PPARGC1B: variants seen among roughly 807,000 people sequenced by gnomAD.
PPARGC1B encodes the protein peroxisome proliferator-activated receptor gamma coactivator 1-beta.
A neutral mutation model predicts 101.6 loss-of-function variants in PPARGC1B; 34 were observed. The observed-to-expected ratio is 0.33, with a 90% CI of 0.25 to 0.45. The LOEUF is 0.45. Among genes scored for constraint, PPARGC1B ranks in the 20% least tolerant of loss-of-function variants. The probability of loss-of-function intolerance (pLI) is 1.00; values close to 1 mark genes in which losing one functional copy is unlikely to be tolerated. For missense variants in PPARGC1B, 1,234 were observed against 1,317.6 expected (o/e 0.94, Z 0.98); for synonymous variants, 548 against 539.3 (o/e 1.02, Z -0.22).
intron 1 of PPARGC1B, chr5:149,772,180 T>C: frequency 1.2e-6 from 2 of 1,606,934 alleles, no homozygotes; most frequent in Non-Finnish European, 1.7e-6. Flanking sequence ...GCGTTGGTGG[T>C]GAAGGCTTTT....
At chr5:149,796,855 A>G (rs1013153330) in intron 1 of PPARGC1B, among the ~76,000 whole-genome samples, 2 of 152,202 alleles carry the variant, frequency 1.3e-5, no homozygotes, top group Admixed American at 6.5e-5. Flanking sequence ...TAAGGAGGAG[A>G]TGCTGATAAA....
Position 149,833,226 on chromosome 5 carries a change from C to T in PPARGC1B, c.1153C>T (p.Pro385Ser). The change falls in exon 5 of 12, where the codon CCT becomes TCT. Residue 385 changes from proline (P) to serine (S), a missense_variant. By Grantham distance (74) the Pro-to-Ser change is moderately conservative. Coordinates refer to ENST00000309241, the MANE Select transcript of PPARGC1B (RefSeq NM_133263.4). This position sits in a 1 kb window ranked among gnomAD's most constrained non-coding sequence, Gnocchi z 4.1. ...GCCCCCCAAAGACAGTCAGGCCTCC[C>T]CTGGTCGCCCGTCCTCGGTGGAGGA... ...PRPPKDSQAS[P>S]GRPSSVEEVR... The T allele has an allele frequency of 6.2e-7, 1 of 1,613,366 alleles. No individual in the cohort carries two copies.
At chr5:149,784,529 G>A (rs530597196) in intron 1 of PPARGC1B, among the ~76,000 whole-genome samples, 25 of 145,624 alleles carry the variant, frequency 1.7e-4, no homozygotes, top group African/African-American at 6.3e-4. Context: ...CCTCCCAGGT[G>A]TCCTGAGCCT....
At chr5:149,824,793 G>A (rs1758439962) in intron 2 of PPARGC1B, among the ~76,000 whole-genome samples, 1 of 152,264 alleles carries the variant, frequency 6.6e-6, no homozygotes, top group East Asian at 1.9e-4. Flanking sequence ...CTACCCTCGG[G>A]CCTCCATCCC....
In PPARGC1B at chr5:149,850,802, T is replaced by G. The variant is rs1249624003; in HGVS notation, c.*3244T>G. The G allele has an allele frequency of 6.6e-6, 1 of 152,168 alleles. No homozygotes were observed. Among genetic ancestry groups the G allele is most frequent in the Admixed American group, 6.5e-5 (1 of 15,274 alleles). 9.4% of individuals were successfully genotyped at this position (152,168 alleles called of 1,614,324 possible). A position where few individuals can be genotyped will look rare whatever the true frequency, so the allele number is the denominator to read the frequency against. ...TCCGTTTCTGTGCCGTGCTGGTGTT[T>G]TCCAAAAATGTCTGATCCAACCACT... On this transcript the variant is annotated 3_prime_UTR_variant, in exon 12 of 12. Coordinates refer to ENST00000309241, the MANE Select transcript of PPARGC1B (RefSeq NM_133263.4).
intron 1 of PPARGC1B, among the ~76,000 whole-genome samples, chr5:149,749,495 G>C (rs1755210561): frequency 6.6e-6 from 1 of 152,120 alleles, no homozygotes; most frequent in South Asian, 2.1e-4. Flanking sequence ...GCCTTATCTT[G>C]AATTCTTTTT....
intron 1 of PPARGC1B, among the ~76,000 whole-genome samples, chr5:149,737,452 T>C (rs2113073804): frequency 6.6e-6 from 1 of 152,284 alleles, no homozygotes; most frequent in East Asian, 1.9e-4. Context: ...TCCTTCTCCA[T>C]TTCCATGATT....
At chr5:149,842,107 G>T in intron 9 of PPARGC1B, 149 bp from the exon 10 acceptor site, 1 of 999,650 alleles carries the variant, frequency 1.0e-6, no homozygotes, top group Non-Finnish European at 1.4e-6. Context: ...GGTAGAGATT[G>T]GCATTGTCCT....
chr5:149,730,411 T>G lies in PPARGC1B; in HGVS notation c.69T>G (p.Ala23=). The G allele has an allele frequency of 6.4e-7, 1 of 1,561,214 alleles. No homozygotes were observed. The highest frequency in any genetic ancestry group is 8.7e-7 in the Non-Finnish European group (1 of 1,155,952). The part of the protein sequence containing the change: ...ELSSFFLNYL[A]DTQGGGSGEE... The stretch of plus-strand genomic sequence containing the variant: ...CCTCCTTCTTCCTCAACTATCTCGC[T>G]GACACGCAGGTACGGCCGGCTGGGG... The change falls in exon 1 of 12, where the codon GCT becomes GCG. Residue 23 remains alanine, a synonymous_variant. Transcript: ENST00000309241. This position sits in a 1 kb window ranked among gnomAD's most constrained non-coding sequence, Gnocchi z 4.0.
chr5:149,833,904 C>T lies in PPARGC1B; in HGVS notation c.1705+126C>T, dbSNP rs1758935175. The stretch of plus-strand genomic sequence containing the variant: ...CAACAAAGTGTTATATGGGTTTGGA[C>T]AAGTCCCTTCCCCTCCCTGGCTTTC... On this transcript the variant is annotated intron_variant, in intron 5 of 11. Coordinates refer to ENST00000309241, the MANE Select transcript of PPARGC1B (RefSeq NM_133263.4). This position sits in a 1 kb window ranked among gnomAD's most constrained non-coding sequence, Gnocchi z 4.1. The T allele has an allele frequency of 1.5e-6, 2 of 1,335,492 alleles. No individual in the cohort carries two copies. Among genetic ancestry groups the T allele is most frequent in the Non-Finnish European group, 1.9e-6 (2 of 1,038,552 alleles). 82.7% of individuals were successfully genotyped at this position (1,335,492 alleles called of 1,614,324 possible).
intron 1 of PPARGC1B, among the ~76,000 whole-genome samples, chr5:149,775,910 T>C (rs945344874): frequency 6.6e-6 from 1 of 152,194 alleles, no homozygotes; most frequent in African/African-American, 2.4e-5. Context: ...TCAGATTGGA[T>C]AGAAATAAGT....
chr5:149,758,741 C>T (rs894365665), intron 1 of PPARGC1B, among the ~76,000 whole-genome samples: 2 of 152,162 alleles, frequency 1.3e-5, no homozygotes, highest in Non-Finnish European at 2.9e-5. Context: ...TGTCTTGTAT[C>T]TCTACTGGGG....
At position 149,836,445 on chromosome 5, in the gene PPARGC1B, C is replaced by T; in HGVS notation, c.1990C>T (p.Leu664Phe). ...AAAGAAGCACCCAGAGCGAAGTGAG[C>T]TCCTGTCCCACCTGCGACATGCCAC... ...LPKKHPERSE[L>F]LSHLRHATAQ... Residue 664 changes from leucine (L) to phenylalanine (F), a missense_variant, in exon 8 of 12, where the codon CTC (leucine) becomes TTC (phenylalanine). This residue lies in a region of PPARGC1B where 497 missense variants were observed against 529.5 expected (regional missense o/e 0.94). Coordinates refer to ENST00000309241, the MANE Select transcript of PPARGC1B (RefSeq NM_133263.4). 1 of 1,614,160 alleles carries T rather than the reference C, an allele frequency of 6.2e-7. No individual in the cohort carries two copies. The highest frequency in any genetic ancestry group is 1.1e-5 in the South Asian group (1 of 91,088).
chr5:149,750,474 A>ATATATATATATATATG, intron 1 of PPARGC1B, among the ~76,000 whole-genome samples: 1 of 124,724 alleles, frequency 8.0e-6, no homozygotes, highest in Non-Finnish European at 1.7e-5. Context: ...ATATATATAT[A>ATATATATATATATATG]TATATATATA....
intron 1 of PPARGC1B, among the ~76,000 whole-genome samples, chr5:149,791,205 C>CG (rs1046246136): frequency 4.8e-5 from 4 of 82,750 alleles, no homozygotes; most frequent in East Asian, 2.9e-4. Context: ...TTGTCTGGGG[C>CG]GGGGGGCGGG....
intron 1 of PPARGC1B, among the ~76,000 whole-genome samples, chr5:149,748,959 C>G (rs6886040): frequency 2.3e-3 from 353 of 152,244 alleles, no homozygotes; most frequent in African/African-American, 8.3e-3. Context: ...GCCTCACAGG[C>G]AGCATGGGAT....
chr5:149,820,736 T>G, intron 2 of PPARGC1B, 130 bp downstream of exon 2: 1 of 929,148 alleles, frequency 1.1e-6, no homozygotes, highest in African/African-American at 1.7e-5. Context: ...ACCAAAGCTG[T>G]TGGGCCCCGG....
At chr5:149,766,556 C>G (rs1344582804) in intron 1 of PPARGC1B, among the ~76,000 whole-genome samples, 2 of 151,446 alleles carry the variant, frequency 1.3e-5, no homozygotes, top group African/African-American at 4.9e-5. Flanking sequence ...GTGAACCAGG[C>G]AGGATGATGA....
intron 1 of PPARGC1B, among the ~76,000 whole-genome samples, chr5:149,804,505 C>G (rs1253127277): frequency 1.3e-5 from 2 of 152,186 alleles, no homozygotes; most frequent in Non-Finnish European, 2.9e-5. Context: ...GAAACCCCAT[C>G]TCTACCAAAA....
Sources: allele counts gnomAD v4.1 joint callset (sites outside exome capture counted in the v4.1 genomes callset), GRCh38; gene constraint gnomAD v4.1.1; regional missense constraint gnomAD v4.1.1; non-coding constraint Gnocchi (gnomAD v3.1); transcripts MANE v1.5; gene names NCBI Gene and HGNC (gene_info 2026-07-23, HGNC 2026-07-21).